Variants in TMEM132C observed in about 807,000 individuals in gnomAD.
The protein encoded by TMEM132C is protein phosphatase 1, regulatory subunit 152.
Under a neutral mutation model 61.4 loss-of-function variants are expected in TMEM132C, and 29 were observed. The ratio of observed to expected loss-of-function variants is 0.47; its 90% CI spans 0.35 to 0.64. TMEM132C has a LOEUF of 0.64. Ranked by LOEUF, TMEM132C falls within the 30% of genes least tolerant of loss-of-function variation. TMEM132C has a pLI of 0.00. For missense variants in TMEM132C, 1,408 were observed against 1,476.9 expected (o/e 0.95, Z 0.76); for synonymous variants, 656 against 633.1 (o/e 1.04, Z -0.54).
At chr12:128,412,673 T>C (rs1868601232) in intron 1 of TMEM132C, among the ~76,000 whole-genome samples, 1 of 152,184 alleles carries the variant, frequency 6.6e-6, no homozygotes. Context: ...TCCACCATGA[T>C]TGTGAGGCCT....
chr12:128,454,069 T>C (rs1303892207), intron 2 of TMEM132C, among the ~76,000 whole-genome samples: 2 of 152,224 alleles, frequency 1.3e-5, no homozygotes, highest in Non-Finnish European at 2.9e-5. Context: ...TCTTTCCTTC[T>C]GCATATATTT....
At chr12:128,584,933 CTT>C (rs1397065315) in intron 3 of TMEM132C, among the ~76,000 whole-genome samples, 4 of 152,212 alleles carry the variant, frequency 2.6e-5, no homozygotes, top group Admixed American at 6.5e-5. Flanking sequence ...CACCTCAAGA[CTT>C]AGGTCCCCAT....
rs2136021153 is a variant in TMEM132C at position 128,414,809 on chromosome 12, A to T, written c.163A>T (p.Ile55Phe). 6.5e-7 allele frequency: 1 copy of T among 1,543,738 alleles called. No individual in the cohort carries two copies. Among genetic ancestry groups the T allele is most frequent in the East Asian group, 2.4e-5 (1 of 40,912 alleles). ...ACCTTACCTACCTGTGAGCTACCAC[A>T]TCCTCAGAGCAGAGACCTCCTTCTT... ...LPPYLPVSYH[I>F]LRAETSFFLK... Residue 55 changes from isoleucine (I) to phenylalanine (F), a missense_variant, in exon 2 of 9, where the codon ATC becomes TTC. Ile to Phe is a conservative substitution (Grantham distance 21, BLOSUM62 0). Coordinates refer to ENST00000435159, the MANE Select transcript of TMEM132C (RefSeq NM_001136103.3).
chr12:128,425,050 C>T (rs902177211), intron 2 of TMEM132C, among the ~76,000 whole-genome samples: 5 of 152,222 alleles, frequency 3.3e-5, no homozygotes, highest in Admixed American at 6.5e-5. Context: ...GCCTATATGG[C>T]TGGCCAGGGA....
At chr12:128,557,497 C>T (rs754505784) in intron 3 of TMEM132C, among the ~76,000 whole-genome samples, 9 of 152,206 alleles carry the variant, frequency 5.9e-5, no homozygotes, top group Non-Finnish European at 8.8e-5. Context: ...ACTAATGTCT[C>T]GCCTTAGAGA....
chr12:128,387,154 A>AAAG (rs1874611120), intron 1 of TMEM132C, among the ~76,000 whole-genome samples: 1 of 151,702 alleles, frequency 6.6e-6, no homozygotes, highest in Admixed American at 6.6e-5. Flanking sequence ...AAAAAAAAAA[A>AAAG]AAAAAAAGAA....
intron 1 of TMEM132C, among the ~76,000 whole-genome samples, chr12:128,313,303 A>G (rs749784615): frequency 6.6e-6 from 1 of 152,238 alleles, no homozygotes; most frequent in Non-Finnish European, 1.5e-5. Context: ...GAGAGTTCCC[A>G]GAAGCTAAGT....
In TMEM132C at chr12:128,373,313, C is replaced by G. The variant is rs139080694; in HGVS notation, c.86-41419C>G. ...TTCTTGTCAAGGAAGGAAAAGCTTT[C>G]CACCAAAACAGATATCCCCCTAATT... is the stretch of plus-strand genomic sequence containing the variant. On this transcript the variant is annotated intron_variant, in intron 1 of 8. Transcript: ENST00000435159. Among the ~76,000 whole-genome samples the G allele has an allele frequency of 2.0e-5, 3 of 152,230 alleles. No individual in the cohort carries two copies. The East Asian group carries it at 5.8e-4, about 29-fold the overall frequency.
intron 4 of TMEM132C, among the ~76,000 whole-genome samples, chr12:128,629,970 TAA>T (rs35956352): frequency 9.6e-5 from 13 of 134,942 alleles, no homozygotes; most frequent in African/African-American, 8.2e-5. Context: ...CCGTCTAAAT[TAA>T]AAAAAAAAAA....
At chr12:128,585,954 T>G (rs1042817870) in intron 3 of TMEM132C, among the ~76,000 whole-genome samples, 7 of 152,152 alleles carry the variant, frequency 4.6e-5, no homozygotes, top group Non-Finnish European at 7.3e-5. Context: ...TGAAAGTTGT[T>G]CTGGAGATGG....
intron 3 of TMEM132C, among the ~76,000 whole-genome samples, chr12:128,611,989 A>AT (rs1414571307): frequency 6.6e-6 from 1 of 152,214 alleles, no homozygotes; most frequent in Admixed American, 6.5e-5. Context: ...CATACTATGC[A>AT]TTTTTTAGAG....
At chr12:128,458,114 T>C (rs1172808672) in intron 2 of TMEM132C, among the ~76,000 whole-genome samples, 1 of 151,390 alleles carries the variant, frequency 6.6e-6, no homozygotes, top group East Asian at 1.9e-4. Flanking sequence ...TAGGGAGATA[T>C]TACAGTTAGT....
intron 1 of TMEM132C, among the ~76,000 whole-genome samples, chr12:128,272,418 A>G (rs1379828177): frequency 6.6e-6 from 1 of 152,336 alleles, no homozygotes; most frequent in East Asian, 1.9e-4. Flanking sequence ...TTCATACTGA[A>G]AAGACCTTAA....
intron 3 of TMEM132C, among the ~76,000 whole-genome samples, chr12:128,592,474 A>G (rs547169518): frequency 7.9e-4 from 120 of 152,342 alleles, no homozygotes; most frequent in Non-Finnish European, 1.3e-3. Flanking sequence ...GAGTGATGCA[A>G]TGGATGAATG....
intron 2 of TMEM132C, among the ~76,000 whole-genome samples, chr12:128,433,557 AT>A (rs1869471010): frequency 1.3e-5 from 2 of 152,100 alleles, no homozygotes; most frequent in African/African-American, 4.8e-5. Flanking sequence ...TGTCATCAGG[AT>A]TTTTCTTATT....
At chr12:128,449,215 A>G (rs999059529) in intron 2 of TMEM132C, among the ~76,000 whole-genome samples, 4 of 151,786 alleles carry the variant, frequency 2.6e-5, no homozygotes, top group Non-Finnish European at 5.9e-5. Context: ...AGAGGGTCTG[A>G]AAACTGAGCC....
rs529166696 is a variant in TMEM132C at position 128,583,828 on chromosome 12, A to G, written c.1122-32324A>G. Reference sequence around the variant, plus strand: ...AGCTGGCCTCCTTGGCAGAAAGAGCAGCATTCAAACGTCTTCATCCGTGGT... The same window carrying G: ...AGCTGGCCTCCTTGGCAGAAAGAGCGGCATTCAAACGTCTTCATCCGTGGT... On this transcript the variant is annotated intron_variant, in intron 3 of 8. Transcript: ENST00000435159. 3.9e-5 allele frequency among the ~76,000 whole-genome samples: 6 copies of G among 152,338 alleles called. No homozygotes were observed. The East Asian group carries it at 1.2e-3, about 29-fold the overall frequency.
intron 2 of TMEM132C, among the ~76,000 whole-genome samples, chr12:128,505,019 A>T (rs2136112587): frequency 6.6e-6 from 1 of 152,178 alleles, no homozygotes; most frequent in East Asian, 1.9e-4. Context: ...GTAAATATGA[A>T]CAAATCACTG....
At chr12:128,333,233 A>G (rs145026641) in intron 1 of TMEM132C, among the ~76,000 whole-genome samples, 185 of 150,398 alleles carry the variant, frequency 1.2e-3, no homozygotes, top group African/African-American at 4.3e-3. Context: ...GTGTTTATGC[A>G]TGTGACTGTG....
Sources: allele counts gnomAD v4.1 joint callset (sites outside exome capture counted in the v4.1 genomes callset), GRCh38; gene constraint gnomAD v4.1.1; transcripts MANE v1.5; gene names NCBI Gene and HGNC (gene_info 2026-07-23, HGNC 2026-07-21).